The following GAB2 variants were observed in gnomAD, a reference collection of about 807,000 sequenced individuals.
The protein encoded by GAB2 is GRB2 associated binding protein 2.
A neutral mutation model predicts 65.5 loss-of-function variants in GAB2; 26 were observed. The observed-to-expected ratio is 0.40, with a 90% CI of 0.29 to 0.55. The LOEUF (loss-of-function observed/expected upper bound fraction) is 0.55. Ranked by LOEUF, GAB2 falls within the 20% of genes least tolerant of loss-of-function variation. GAB2 has a pLI of 0.53. For missense variants in GAB2, 884 were observed against 875.8 expected (o/e 1.01, Z -0.12); for synonymous variants, 321 against 329.6 (o/e 0.97, Z 0.28).
intron 1 of GAB2, among the ~76,000 whole-genome samples, chr11:78,296,697 G>C (rs1378600236): frequency 1.3e-5 from 2 of 152,206 alleles, no homozygotes; most frequent in African/African-American, 4.8e-5. Flanking sequence ...AGGAGACTCA[G>C]ATGTTTTCAC....
intron 1 of GAB2, among the ~76,000 whole-genome samples, chr11:78,303,240 T>A (rs911093001): frequency 2.0e-5 from 3 of 152,206 alleles, no homozygotes; most frequent in Non-Finnish European, 4.4e-5. Context: ...TTGTGTCTTA[T>A]CTAGGAAATC....
chr11:78,264,916 T>C (rs766893738), intron 2 of GAB2, among the ~76,000 whole-genome samples: 1 of 152,224 alleles, frequency 6.6e-6, no homozygotes, highest in Non-Finnish European at 1.5e-5. Context: ...AGGGCTGTTG[T>C]GAAGATCACA....
At chr11:78,395,228 C>A (rs534786480) in intron 1 of GAB2, among the ~76,000 whole-genome samples, 1 of 152,314 alleles carries the variant, frequency 6.6e-6, no homozygotes, top group Admixed American at 6.5e-5. Flanking sequence ...CCAAGGCAGG[C>A]GGATCACATC....
chr11:78,327,446 A>G (rs1323525593), intron 1 of GAB2, among the ~76,000 whole-genome samples: 3 of 152,234 alleles, frequency 2.0e-5, no homozygotes, highest in Non-Finnish European at 2.9e-5. Flanking sequence ...ATATTCCCAG[A>G]AACAGATTTT....
chr11:78,242,497 G>A lies in GAB2; in HGVS notation c.620+7660C>T, dbSNP rs780277823. Among the ~76,000 whole-genome samples, 210 of 148,134 alleles carry A rather than the reference G, an allele frequency of 1.4e-3. 1 individual carries two copies. Among genetic ancestry groups the A allele is most frequent in the Non-Finnish European group, 2.3e-3 (159 of 67,794 alleles). ...AGCCTGGGCGACAGAGCGAGACTCC[G>A]TCTCAAAACAAAAAAAAAAGAAAAA... On this transcript the variant is annotated intron_variant, in intron 3 of 9. Transcript: ENST00000361507.
intron 1 of GAB2, among the ~76,000 whole-genome samples, chr11:78,383,581 CAAA>C (rs534814220): frequency 9.0e-5 from 5 of 55,574 alleles, no homozygotes; most frequent in Admixed American, 2.3e-4. Flanking sequence ...CCTGTCTCTC[CAAA>C]AAAAAAAAAA....
At chr11:78,250,486 G>GT in intron 2 of GAB2, 86 bp from the exon 3 acceptor site, 2 of 1,229,588 alleles carry the variant, frequency 1.6e-6, no homozygotes, top group South Asian at 2.5e-5. Flanking sequence ...AGAAAAAAGA[G>GT]TAAGAGCAGA....
intron 2 of GAB2, among the ~76,000 whole-genome samples, chr11:78,262,452 A>C (rs916437146): frequency 1.3e-5 from 2 of 152,180 alleles, no homozygotes; most frequent in Admixed American, 6.5e-5. Context: ...GGTGAGGGAA[A>C]AGATCTTGAA....
chr11:78,230,927 G>C (rs1234335165), intron 3 of GAB2, among the ~76,000 whole-genome samples: 2 of 152,206 alleles, frequency 1.3e-5, no homozygotes, highest in African/African-American at 2.4e-5. Context: ...GTGATGACCT[G>C]AGTTGCTTTT....
Position 78,215,668 on chromosome 11 carries a change from A to G in GAB2, c.*3604T>C, listed in dbSNP as rs1277597067. Reference sequence around the variant, plus strand: ...AGCCAACAAATACACAACACATGCCACCATAAATCACATGACAGCCTGGAT... The same window carrying G: ...AGCCAACAAATACACAACACATGCCGCCATAAATCACATGACAGCCTGGAT... On this transcript the variant is annotated 3_prime_UTR_variant, in exon 10 of 10. Transcript: ENST00000361507. 1.3e-5 allele frequency: 2 copies of G among 152,264 alleles called. No individual in the cohort carries two copies. Among genetic ancestry groups the G allele is most frequent in the Admixed American group, 1.3e-4 (2 of 15,290 alleles). The allele number at this position is 152,264 out of a possible 1,614,324, so 9.4% of individuals were successfully genotyped here.
chr11:78,314,528 A>C (rs1318021205), intron 1 of GAB2, among the ~76,000 whole-genome samples: 1 of 152,202 alleles, frequency 6.6e-6, no homozygotes, highest in Non-Finnish European at 1.5e-5. Flanking sequence ...CCAAACTCCA[A>C]CTTTGCTGTG....
chr11:78,234,654 A>G (rs922264111), intron 3 of GAB2, among the ~76,000 whole-genome samples: 15 of 150,240 alleles, frequency 1.0e-4, no homozygotes, highest in Non-Finnish European at 2.1e-4. Flanking sequence ...GTATTTATAT[A>G]TATTTCTCTC....
rs369726101 is a variant in GAB2 at position 78,344,806 on chromosome 11, T to C, written c.76-63905A>G. On this transcript the variant is annotated intron_variant, in intron 1 of 9. Transcript: ENST00000361507. Reference sequence around the variant, plus strand: ...ACAGAATTTTAGGCATAAGACAAGTTTGCCTAAAGGCTTTAATGATTCAAC... The same window carrying C: ...ACAGAATTTTAGGCATAAGACAAGTCTGCCTAAAGGCTTTAATGATTCAAC... Among the ~76,000 whole-genome samples the C allele has an allele frequency of 1.6e-4, 24 of 152,322 alleles. No homozygotes were observed. The East Asian group carries it at 3.9e-3, about 24-fold the overall frequency.
intron 1 of GAB2, among the ~76,000 whole-genome samples, chr11:78,331,909 G>T (rs115112379): frequency 4.8e-4 from 73 of 152,234 alleles, no homozygotes; most frequent in Non-Finnish European, 8.2e-4. Context: ...CCTCGTAAAT[G>T]AAAGTGTCCA....
In GAB2 at chr11:78,380,439, C is replaced by T. The variant is rs895591082; in HGVS notation, c.75+37207G>A. On this transcript the variant is annotated intron_variant, in intron 1 of 9. Transcript: ENST00000361507. ...CAGGATGGTCTCAATCTCTTGACCG[C>T]GTGATCCGCCTGCCTCGGCCTCCCA... is the stretch of plus-strand genomic sequence containing the variant. Among the ~76,000 whole-genome samples the T allele has an allele frequency of 5.3e-5, 8 of 152,218 alleles. No homozygotes were observed. The East Asian group carries it at 5.8e-4, about 11-fold the overall frequency.
rs149214339 is a variant in GAB2 at position 78,329,012 on chromosome 11, C to G, written c.76-48111G>C. 4.0e-3 allele frequency among the ~76,000 whole-genome samples: 603 copies of G among 152,164 alleles called. 2 individuals are homozygous for G. The highest frequency in any genetic ancestry group is 9.1e-3 in the South Asian group (44 of 4,826). On this transcript the variant is annotated intron_variant, in intron 1 of 9. Transcript: ENST00000361507. ...TTAGGGAGAAATATGCTAATGTCTG[C>G]AATTTACTTTAAATGCTATAAAAAA...
chr11:78,349,198 A>G (rs540526197), intron 1 of GAB2, among the ~76,000 whole-genome samples: 1 of 152,354 alleles, frequency 6.6e-6, no homozygotes, highest in Non-Finnish European at 1.5e-5. Context: ...TTGATAAGGA[A>G]AAAAGTAATT....
intron 8 of GAB2, 123 bp from the exon 9 acceptor site, chr11:78,220,567 C>G (rs1864374270): frequency 1.4e-6 from 1 of 731,258 alleles, no homozygotes; most frequent in African/African-American, 1.8e-5. Flanking sequence ...ATGCACCATG[C>G]TAAGGACTTT....
chr11:78,319,098 C>T (rs557255169), intron 1 of GAB2, among the ~76,000 whole-genome samples: 18 of 135,446 alleles, frequency 1.3e-4, no homozygotes, highest in Admixed American at 1.1e-3. Flanking sequence ...GGCCTCTCAG[C>T]CTCTGAAACA....
Sources: allele counts gnomAD v4.1 joint callset (sites outside exome capture counted in the v4.1 genomes callset), GRCh38; gene constraint gnomAD v4.1.1; transcripts MANE v1.5; gene names NCBI Gene and HGNC (gene_info 2026-07-23, HGNC 2026-07-21).